The following RASEF variants were observed in gnomAD, a reference collection of about 807,000 sequenced individuals.
RASEF encodes RAS and EF-hand domain containing.
A neutral mutation model predicts 90.1 loss-of-function variants in RASEF; 68 were observed. The ratio of observed to expected loss-of-function variants is 0.75; its 90% CI spans 0.62 to 0.92. The LOEUF (loss-of-function observed/expected upper bound fraction) is 0.92. RASEF is among the 40% of genes least tolerant of loss of function. RASEF has a pLI of 0.00. For synonymous variants in RASEF, 331 were observed against 345.2 expected (o/e 0.96, Z 0.46); for missense variants, 949 against 937.2 (o/e 1.01, Z -0.16).
At chr9:83,189,729 A>T in the RASEF span, among the ~76,000 whole-genome samples, 1 of 152,222 alleles carries the variant, frequency 6.6e-6, no homozygotes, top group African/African-American at 2.4e-5. Flanking sequence ...TTCTGGAATA[A>T]ATCTGAAATG....
the RASEF span, among the ~76,000 whole-genome samples, chr9:83,122,279 G>A: frequency 6.6e-6 from 1 of 152,296 alleles, no homozygotes; most frequent in South Asian, 2.1e-4. Context: ...TTCAACTCCT[G>A]TGTGGTTAAA....
chr9:83,063,597 C>G (rs1830255325), upstream of RASEF, among the ~76,000 whole-genome samples: 1 of 152,180 alleles, frequency 6.6e-6, no homozygotes, highest in South Asian at 2.1e-4. Context: ...ACGTTAAGGT[C>G]CCACTGCTTA....
At chr9:82,992,289 CA>C (rs1419246320) in intron 15 of RASEF, among the ~76,000 whole-genome samples, 1 of 152,152 alleles carries the variant, frequency 6.6e-6, no homozygotes, top group Non-Finnish European at 1.5e-5. Flanking sequence ...AGCTAGGTAG[CA>C]TTCTGACATG....
At chr9:83,179,027 A>C in the RASEF span, among the ~76,000 whole-genome samples, 8 of 152,078 alleles carry the variant, frequency 5.3e-5, no homozygotes, top group Admixed American at 5.2e-4. Context: ...ATGTTCCCCA[A>C]CTGCAGTCAT....
intron 16 of RASEF, among the ~76,000 whole-genome samples, chr9:82,988,702 C>CGCTG (rs1025209421): frequency 2.0e-5 from 3 of 152,068 alleles, no homozygotes; most frequent in Non-Finnish European, 4.4e-5. Flanking sequence ...TCATGTGACA[C>CGCTG]GCTGGCTCCC....
intron 15 of RASEF, among the ~76,000 whole-genome samples, chr9:82,991,194 GA>G (rs1828808102): frequency 6.6e-6 from 1 of 151,944 alleles, no homozygotes; most frequent in African/African-American, 2.4e-5. Flanking sequence ...CCCACCTTGG[GA>G]CCTTTGCACC....
rs140478625 is a variant in RASEF, at chr9:83,019,869, C to A, written c.669+2467G>T. Among the ~76,000 whole-genome samples, 115 of 152,254 alleles carry A rather than the reference C, an allele frequency of 7.6e-4. 1 individual carries two copies. Among genetic ancestry groups the A allele is most frequent in the African/African-American group, 2.6e-3 (106 of 41,542 alleles). On this transcript the variant is annotated intron_variant, in intron 3 of 16. Transcript: ENST00000376447. ...TCTATACAGTTCTGAAAACTTCAAA[C>A]TAATCTACAGCGACAGAAAATAGAA... is the stretch of plus-strand genomic sequence containing the variant.
intron 1 of RASEF, among the ~76,000 whole-genome samples, chr9:83,059,856 C>T (rs1830175113): frequency 6.6e-6 from 1 of 152,106 alleles, no homozygotes; most frequent in African/African-American, 2.4e-5. Context: ...GCCTTCAAAA[C>T]AAAAAGTCCC....
At chr9:82,998,039 A>G (rs1204002109) in intron 13 of RASEF, among the ~76,000 whole-genome samples, 1 of 152,122 alleles carries the variant, frequency 6.6e-6, no homozygotes, top group Admixed American at 6.5e-5. Flanking sequence ...TTATTGTTCT[A>G]TAGCCAGGGA....
intron 1 of RASEF, among the ~76,000 whole-genome samples, chr9:83,044,141 G>C (rs1829889346): frequency 6.6e-6 from 1 of 152,084 alleles, no homozygotes; most frequent in African/African-American, 2.4e-5. Flanking sequence ...ATTTCTTCCT[G>C]TTCCTCATTA....
chr9:83,206,334 G>A, the RASEF span, among the ~76,000 whole-genome samples: 2 of 152,174 alleles, frequency 1.3e-5, no homozygotes, highest in Non-Finnish European at 2.9e-5. Flanking sequence ...CATTCAAACT[G>A]GAAAGGCAAA....
intron 3 of RASEF, 65 bp from the exon 4 acceptor site, chr9:83,015,965 C>A: frequency 8.5e-7 from 1 of 1,176,722 alleles, no homozygotes. Context: ...CAAAACCCCA[C>A]AGGTGAGAAA....
the RASEF span, among the ~76,000 whole-genome samples, chr9:83,096,180 T>C: frequency 5.9e-5 from 9 of 152,314 alleles, no homozygotes; most frequent in Middle Eastern, 3.4e-3. Flanking sequence ...TCCAGTCACA[T>C]TGTGCCTTGT....
At chr9:83,000,789 A>G in intron 10 of RASEF, 107 bp downstream of exon 10, 5 of 1,035,820 alleles carry the variant, frequency 4.8e-6, no homozygotes, top group Non-Finnish European at 7.1e-6. Context: ...ACTATGCTTT[A>G]CATCTATGAC....
chr9:83,004,472 C>T, intron 9 of RASEF, 26 bp downstream of exon 9: 1 of 1,408,682 alleles, frequency 7.1e-7, no homozygotes, highest in Non-Finnish European at 1.0e-6. Context: ...TGAACTTGAA[C>T]AGAAAGTTAA....
chr9:83,137,027 T>C, the RASEF span, among the ~76,000 whole-genome samples: 102 of 152,238 alleles, frequency 6.7e-4, no homozygotes, highest in Middle Eastern at 3.4e-3. Context: ...TTTATTATAA[T>C]TGGGTGAGAT....
At chr9:83,161,910 T>A in the RASEF span, among the ~76,000 whole-genome samples, 1 of 152,058 alleles carries the variant, frequency 6.6e-6, no homozygotes, top group Non-Finnish European at 1.5e-5. Flanking sequence ...CCAAGTGAGA[T>A]GTGACTTCAC....
At chr9:83,027,811 G>A (rs1010665483) in intron 1 of RASEF, among the ~76,000 whole-genome samples, 2 of 152,130 alleles carry the variant, frequency 1.3e-5, no homozygotes, top group Admixed American at 1.3e-4. Context: ...ATCTGCTATG[G>A]ATGGATGCTA....
At chr9:83,113,691 C>A in the RASEF span, among the ~76,000 whole-genome samples, 3 of 152,110 alleles carry the variant, frequency 2.0e-5, no homozygotes, top group Non-Finnish European at 4.4e-5. Context: ...TGAAATACAC[C>A]CTGGTCTCCT....
Sources: gnomAD v4.1 joint callset for allele counts (sites outside exome capture counted in the v4.1 genomes callset) on GRCh38, gnomAD v4.1.1 for gene constraint, MANE v1.5 for transcripts, NCBI Gene and HGNC (gene_info 2026-07-23, HGNC 2026-07-21) for gene names.